The following VPS13B variants were observed in gnomAD, a reference collection of about 807,000 sequenced individuals.
VPS13B encodes vacuolar protein sorting 13 homolog B, also known as intermembrane lipid transfer protein VPS13B.
VPS13B carries 285 observed loss-of-function variants against 426.4 expected under a neutral mutation model. That is an observed-to-expected ratio of 0.67 (90% CI 0.61 to 0.74). The LOEUF (loss-of-function observed/expected upper bound fraction) is 0.74, where lower values mean the gene tolerates loss of function less well. Among genes scored for constraint, VPS13B ranks in the 30% least tolerant of loss-of-function variants. VPS13B has a pLI of 0.00. For synonymous variants in VPS13B, 1,676 were observed against 1,676.4 expected, an observed-to-expected ratio of 1.00 and a Z score of 0.01; for missense variants, 4,537 against 4,782.6, an observed-to-expected ratio of 0.95 and a Z score of 1.51.
chr8:99,340,923 A>G, intron 19 of VPS13B: 1 of 287,136 alleles, frequency 3.5e-6, no homozygotes, highest in South Asian at 4.8e-5. Context: ...GGATGGATTC[A>G]ACAAAGGTGG....
intron 19 of VPS13B, among the ~76,000 whole-genome samples, chr8:99,374,005 C>A (rs188217166): frequency 6.6e-6 from 1 of 152,156 alleles, no homozygotes; most frequent in Admixed American, 6.5e-5. Flanking sequence ...CAAATTCTAT[C>A]ATTTTTATTT....
chr8:99,244,033 G>A (rs1422913272), intron 17 of VPS13B, among the ~76,000 whole-genome samples: 1 of 152,194 alleles, frequency 6.6e-6, no homozygotes, highest in Non-Finnish European at 1.5e-5. Flanking sequence ...TGCAGGCCCT[G>A]TATGGGCCAG....
At chr8:99,306,007 A>G (rs892152167) in intron 19 of VPS13B, among the ~76,000 whole-genome samples, 4 of 152,034 alleles carry the variant, frequency 2.6e-5, no homozygotes, top group Non-Finnish European at 4.4e-5. Context: ...CTTTTTGTTA[A>G]TGCTGTTTAT....
At chr8:99,144,483 T>C (rs2132585665) in intron 13 of VPS13B, among the ~76,000 whole-genome samples, 1 of 146,920 alleles carries the variant, frequency 6.8e-6, no homozygotes, top group East Asian at 1.9e-4. Context: ...AACAAGACCC[T>C]GTTTCAAAAA....
intron 4 of VPS13B, among the ~76,000 whole-genome samples, chr8:99,098,607 TCTGCTTATA>T (rs1176405914): frequency 6.6e-6 from 1 of 152,148 alleles, no homozygotes; most frequent in Non-Finnish European, 1.5e-5. Context: ...TGCATACACC[TCTGCTTATA>T]TCTTTAGGAA....
intron 19 of VPS13B, among the ~76,000 whole-genome samples, chr8:99,332,052 C>T (rs771864026): frequency 6.6e-6 from 1 of 151,564 alleles, no homozygotes; most frequent in Non-Finnish European, 1.5e-5. Context: ...GCTCCAGAAA[C>T]GTAGAATAGA....
chr8:99,156,457 C>A, intron 14 of VPS13B, 92 bp from the exon 15 acceptor site: 1 of 1,251,546 alleles, frequency 8.0e-7, no homozygotes, highest in Non-Finnish European at 1.2e-6. Context: ...GATATCACTG[C>A]AAATGTGCAG....
At chr8:99,785,272 C>T (rs117435377) in intron 43 of VPS13B, among the ~76,000 whole-genome samples, 1 of 152,246 alleles carries the variant, frequency 6.6e-6, no homozygotes, top group Non-Finnish European at 1.5e-5. Context: ...AAGAAAACTA[C>T]TGCCTGCTTG....
intron 3 of VPS13B, among the ~76,000 whole-genome samples, chr8:99,073,136 T>A (rs901592299): frequency 6.6e-6 from 1 of 152,152 alleles, no homozygotes; most frequent in Admixed American, 6.5e-5. Flanking sequence ...CCTGTGGCCA[T>A]CACAGCTGGG....
At chr8:99,659,678 T>C (rs1405078659) in intron 34 of VPS13B, among the ~76,000 whole-genome samples, 1 of 152,232 alleles carries the variant, frequency 6.6e-6, no homozygotes, top group Non-Finnish European at 1.5e-5. Flanking sequence ...GTTTTACTTA[T>C]CCTAAGTCTT....
chr8:99,321,298 C>T (rs1182748001), intron 19 of VPS13B, among the ~76,000 whole-genome samples: 1 of 149,822 alleles, frequency 6.7e-6, no homozygotes, highest in Non-Finnish European at 1.5e-5. Flanking sequence ...CAGCCTCCGC[C>T]TCCCAGGCTC....
chr8:99,780,939 T>A (rs1366310165), intron 42 of VPS13B, among the ~76,000 whole-genome samples: 2 of 152,184 alleles, frequency 1.3e-5, no homozygotes, highest in Non-Finnish European at 2.9e-5. Flanking sequence ...CAAACTTGGA[T>A]TTTATTGTGT....
chr8:99,014,868 T>TC (rs1165867903), intron 2 of VPS13B, among the ~76,000 whole-genome samples: 1 of 152,140 alleles, frequency 6.6e-6, no homozygotes, highest in African/African-American at 2.4e-5. Flanking sequence ...AACCGTAACT[T>TC]CAAAGATCAC....
At chr8:99,189,982 T>A (rs568977329) in intron 16 of VPS13B, among the ~76,000 whole-genome samples, 145 of 152,312 alleles carry the variant, frequency 9.5e-4, no homozygotes, top group African/African-American at 3.5e-3. Context: ...TGTTTTTGTT[T>A]TTAATTCTTT....
intron 35 of VPS13B, among the ~76,000 whole-genome samples, chr8:99,672,716 G>A (rs1830767837): frequency 6.6e-6 from 1 of 152,040 alleles, no homozygotes; most frequent in African/African-American, 2.4e-5. Context: ...TTCTTGTAGG[G>A]TTCTAGATTT....
At chr8:99,357,475 G>A (rs1812241041) in intron 19 of VPS13B, among the ~76,000 whole-genome samples, 1 of 151,840 alleles carries the variant, frequency 6.6e-6, no homozygotes, top group South Asian at 2.1e-4. Context: ...AGCTCTTTTA[G>A]GTCTCTTTTC....
intron 17 of VPS13B, among the ~76,000 whole-genome samples, chr8:99,217,016 T>G (rs1444168429): frequency 1.3e-5 from 2 of 152,198 alleles, no homozygotes; most frequent in Non-Finnish European, 2.9e-5. Flanking sequence ...TTTTCTTTCC[T>G]ATTGTACTGG....
chr8:99,656,049 A>C (rs1001537908), intron 34 of VPS13B, among the ~76,000 whole-genome samples: 3 of 152,186 alleles, frequency 2.0e-5, no homozygotes, highest in Non-Finnish European at 2.9e-5. Flanking sequence ...CTGGGAACTG[A>C]GTTGGGGCTT....
intron 39 of VPS13B, among the ~76,000 whole-genome samples, chr8:99,742,727 T>C (rs1053428010): frequency 7.5e-4 from 114 of 152,196 alleles, no homozygotes; most frequent in African/African-American, 2.6e-3. Context: ...ACAAAAACCA[T>C]ATGATTATCT....
Sources: allele counts gnomAD v4.1 joint callset (sites outside exome capture counted in the v4.1 genomes callset), GRCh38; gene constraint gnomAD v4.1.1; transcripts MANE v1.5; gene names NCBI Gene and HGNC (gene_info 2026-07-23, HGNC 2026-07-21).